GAS2: variants seen among roughly 807,000 people sequenced by gnomAD.
GAS2 encodes the protein growth arrest specific 2.
GAS2 carries 20 observed loss-of-function variants against 37.5 expected under a neutral mutation model. The ratio of observed to expected loss-of-function variants is 0.53; its 90% CI spans 0.37 to 0.77. The LOEUF is 0.77. Among genes scored for constraint, GAS2 ranks in the 30% least tolerant of loss-of-function variants. GAS2 has a pLI of 0.00. For synonymous variants in GAS2, 144 were observed against 132.2 expected (o/e 1.09, Z -0.61); for missense variants, 336 against 373.4 (o/e 0.90, Z 0.82).
chr11:22,712,344 T>C (rs1053471663), intron 3 of GAS2, among the ~76,000 whole-genome samples: 9 of 152,182 alleles, frequency 5.9e-5, no homozygotes, highest in Non-Finnish European at 2.9e-5. Flanking sequence ...CATCCACAGC[T>C]GGGAGACCTG....
chr11:22,741,133 G>A (rs992214258), intron 5 of GAS2, among the ~76,000 whole-genome samples: 6 of 152,194 alleles, frequency 3.9e-5, no homozygotes, highest in Middle Eastern at 3.4e-3. Flanking sequence ...GCTCCTTTGC[G>A]AGCTGTGGGC....
chr11:22,677,123 A>G (rs1849464327), intron 2 of GAS2, among the ~76,000 whole-genome samples: 1 of 152,204 alleles, frequency 6.6e-6, no homozygotes, highest in South Asian at 2.1e-4. Context: ...TTGAATATAT[A>G]ATCTATTACT....
At chr11:22,655,117 C>G (rs1172531998) in intron 1 of GAS2, among the ~76,000 whole-genome samples, 7 of 152,134 alleles carry the variant, frequency 4.6e-5, no homozygotes, top group Non-Finnish European at 1.0e-4. Flanking sequence ...GCTCTTCAGA[C>G]TGTCTGTCCT....
intron 1 of GAS2, among the ~76,000 whole-genome samples, chr11:22,644,330 G>A (rs2133821493): frequency 6.6e-6 from 1 of 152,108 alleles, no homozygotes; most frequent in Non-Finnish European, 1.5e-5. Context: ...AGCCAAATAA[G>A]TGATTTTTTT....
At chr11:22,803,446 C>T (rs1486665181) in intron 7 of GAS2, among the ~76,000 whole-genome samples, 3 of 152,074 alleles carry the variant, frequency 2.0e-5, no homozygotes, top group Admixed American at 2.0e-4. Context: ...TGATATCTTG[C>T]CTGTGCTGAA....
intron 3 of GAS2, among the ~76,000 whole-genome samples, chr11:22,722,001 T>C (rs1851974509): frequency 6.6e-6 from 1 of 151,938 alleles, no homozygotes; most frequent in African/African-American, 2.4e-5. Context: ...GTACATCTTG[T>C]TTTATGAACA....
In GAS2 at chr11:22,685,741, T is replaced by G. The variant is rs901694133; in HGVS notation, c.219T>G (p.Thr73=). 1.2e-6 allele frequency: 2 copies of G among 1,613,766 alleles called. No individual in the cohort carries two copies. Among genetic ancestry groups the G allele is most frequent in the Non-Finnish European group, 1.7e-6 (2 of 1,179,852 alleles). Residue 73 remains threonine (T), a synonymous_variant, in exon 3 of 8, where the codon ACT becomes ACG. Coordinates refer to ENST00000454584, the MANE Select transcript of GAS2 (RefSeq NM_001143830.3). ...CCTTGCTCTGTCAACTTGCAGAAACTATGCAGGAGAAATTCAAGGAGAGCA... is the reference window on the plus strand; with the variant it reads ...CCTTGCTCTGTCAACTTGCAGAAACGATGCAGGAGAAATTCAAGGAGAGCA... ...NGALLCQLAE[T]MQEKFKESMD...
At chr11:22,714,620 A>T (rs1309555732) in intron 3 of GAS2, among the ~76,000 whole-genome samples, 1 of 152,180 alleles carries the variant, frequency 6.6e-6, no homozygotes, top group Non-Finnish European at 1.5e-5. Context: ...AGGCTACAAA[A>T]CAAGTCTCAA....
In GAS2 at chr11:22,749,273, C is replaced by G; in HGVS notation, c.615+12C>G. 6.2e-7 allele frequency: 1 copy of G among 1,607,656 alleles called. No homozygotes were observed. The highest frequency in any genetic ancestry group is 8.5e-7 in the Non-Finnish European group (1 of 1,177,048). Reference sequence around the variant, plus strand: ...TACTGGATGATGCAGTAAGTAAAATCAGTCAGACTTCTTACCAACGGTTAG... The same window carrying G: ...TACTGGATGATGCAGTAAGTAAAATGAGTCAGACTTCTTACCAACGGTTAG... On this transcript the variant is annotated intron_variant, in intron 6 of 7. Transcript: ENST00000454584.
chr11:22,695,825 G>T (rs955218520), intron 3 of GAS2, among the ~76,000 whole-genome samples: 1 of 152,132 alleles, frequency 6.6e-6, no homozygotes, highest in Non-Finnish European at 1.5e-5. Flanking sequence ...GAGCTGTGAG[G>T]TTGAAAGTGA....
intron 7 of GAS2, among the ~76,000 whole-genome samples, chr11:22,767,171 A>C (rs11026778): frequency 0.18 from 27,737 of 152,116 alleles, 2,499 homozygotes; most frequent in East Asian, 0.23. Flanking sequence ...CTGTATGACA[A>C]AAATGAGTGT....
chr11:22,737,635 G>A, intron 4 of GAS2, 70 bp from the exon 5 acceptor site: 3 of 1,428,092 alleles, frequency 2.1e-6, no homozygotes, highest in South Asian at 2.3e-5. Context: ...GAGGGTCATT[G>A]GCAAGCCTGT....
chr11:22,689,225 A>G (rs896976841), intron 3 of GAS2, among the ~76,000 whole-genome samples: 4 of 152,112 alleles, frequency 2.6e-5, no homozygotes. Flanking sequence ...CCCAACCTCA[A>G]CAAGGTGCAA....
chr11:22,763,389 C>G (rs573694669), intron 7 of GAS2, among the ~76,000 whole-genome samples: 1 of 152,166 alleles, frequency 6.6e-6, no homozygotes, highest in Admixed American at 6.6e-5. Context: ...ATATTACGTT[C>G]TTTTTTGCTC....
intron 1 of GAS2, among the ~76,000 whole-genome samples, chr11:22,656,088 C>G (rs1056013102): frequency 2.6e-5 from 4 of 152,134 alleles, no homozygotes; most frequent in Admixed American, 2.6e-4. Context: ...GAACAAAGGA[C>G]TAAAATGTTT....
intron 3 of GAS2, among the ~76,000 whole-genome samples, chr11:22,690,636 T>G (rs142213836): frequency 6.6e-6 from 1 of 152,248 alleles, no homozygotes; most frequent in African/African-American, 2.4e-5. Context: ...GTTGAGGATG[T>G]TTAAAGGCAA....
chr11:22,756,005 G>A, intron 7 of GAS2, 52 bp downstream of exon 7: 1 of 1,262,994 alleles, frequency 7.9e-7, no homozygotes, highest in Non-Finnish European at 1.1e-6. Flanking sequence ...TTCAGAATTT[G>A]AGTTAGGGGA....
At chr11:22,647,767 G>A (rs1441232097) in intron 1 of GAS2, among the ~76,000 whole-genome samples, 3 of 152,016 alleles carry the variant, frequency 2.0e-5, no homozygotes, top group Non-Finnish European at 4.4e-5. Flanking sequence ...TTTTGATGGG[G>A]TTGTTTGTTT....
At chr11:22,644,554 A>G (rs889975656) in intron 1 of GAS2, among the ~76,000 whole-genome samples, 2 of 152,208 alleles carry the variant, frequency 1.3e-5, no homozygotes, top group Admixed American at 1.3e-4. Flanking sequence ...GATTAATGCT[A>G]TAATTTCTGA....
Sources: allele counts gnomAD v4.1 joint callset (sites outside exome capture counted in the v4.1 genomes callset), GRCh38; gene constraint gnomAD v4.1.1; transcripts MANE v1.5; gene names NCBI Gene and HGNC (gene_info 2026-07-23, HGNC 2026-07-21).